The following GPC5 variants were observed in gnomAD, a reference collection of about 807,000 sequenced individuals.
GPC5 encodes the protein glypican 5.
GPC5 carries 47 observed loss-of-function variants against 53.9 expected under a neutral mutation model. The observed-to-expected ratio is 0.87, with a 90% confidence interval of 0.69 to 1.11. The LOEUF (loss-of-function observed/expected upper bound fraction) is 1.11, where lower values mean the gene tolerates loss of function less well. Among genes scored for constraint, GPC5 ranks in the 50% most tolerant of loss-of-function variants. GPC5 has a pLI of 0.00. For missense variants in GPC5, 748 were observed against 713.1 expected (o/e 1.05, Z -0.56); for synonymous variants, 286 against 263.3 (o/e 1.09, Z -0.84).
At chr13:91,504,120 A>G (rs1019612839) in intron 2 of GPC5, among the ~76,000 whole-genome samples, 2 of 152,064 alleles carry the variant, frequency 1.3e-5, no homozygotes, top group African/African-American at 4.8e-5. Context: ...AGTTAACTTC[A>G]ATTCCTGATA....
intron 1 of GPC5, among the ~76,000 whole-genome samples, chr13:91,431,427 AT>A (rs1879439383): frequency 6.6e-6 from 1 of 152,170 alleles, no homozygotes; most frequent in African/African-American, 2.4e-5. Context: ...TATATTAGCT[AT>A]TCATTGGGTC....
At chr13:92,594,793 T>C (rs1456676978) in intron 7 of GPC5, among the ~76,000 whole-genome samples, 2 of 152,220 alleles carry the variant, frequency 1.3e-5, no homozygotes, top group Admixed American at 6.5e-5. Flanking sequence ...CAACCTGAAA[T>C]TGAATATTAT....
rs566598157 is a variant in GPC5 at position 91,609,508 on chromosome 13, G to C, written c.326-83679G>C. 3.3e-5 allele frequency among the ~76,000 whole-genome samples: 5 copies of C among 152,242 alleles called. No homozygotes were observed. In the South Asian group the frequency reaches 1.0e-3, roughly 32 times the overall value. On this transcript the variant is annotated intron_variant, in intron 2 of 7. Coordinates refer to ENST00000377067, the MANE Select transcript of GPC5 (RefSeq NM_004466.6). Reference sequence around the variant, plus strand: ...AATTTCTGTTAAGGTTCCTTAATCTGCCAGGTTTTGCACAAACCCAGCTGC... The same window carrying C: ...AATTTCTGTTAAGGTTCCTTAATCTCCCAGGTTTTGCACAAACCCAGCTGC...
At chr13:92,864,872 T>C (rs2138858878) in intron 7 of GPC5, among the ~76,000 whole-genome samples, 1 of 152,282 alleles carries the variant, frequency 6.6e-6, no homozygotes, top group East Asian at 1.9e-4. Context: ...TATATATATA[T>C]ATTGGCCTAA....
chr13:91,981,669 C>T (rs2040360997), intron 6 of GPC5, among the ~76,000 whole-genome samples: 1 of 152,080 alleles, frequency 6.6e-6, no homozygotes, highest in South Asian at 2.1e-4. Flanking sequence ...TGACATTGTG[C>T]TAGATATAAT....
chr13:91,983,343 C>CTA (rs201726171), intron 6 of GPC5, among the ~76,000 whole-genome samples: 15 of 110,824 alleles, frequency 1.4e-4, no homozygotes, highest in South Asian at 4.6e-4. Flanking sequence ...CAGACCCTGT[C>CTA]TCAAAAAAAA....
At chr13:92,195,362 G>A (rs923763833) in intron 7 of GPC5, among the ~76,000 whole-genome samples, 9 of 152,142 alleles carry the variant, frequency 5.9e-5, no homozygotes, top group African/African-American at 2.2e-4. Context: ...CGTGCAAAGT[G>A]TGTCATCTTT....
chr13:92,617,577 T>A (rs1347881389), intron 7 of GPC5, among the ~76,000 whole-genome samples: 3 of 152,188 alleles, frequency 2.0e-5, no homozygotes, highest in Non-Finnish European at 4.4e-5. Flanking sequence ...CCCTACCTTG[T>A]GTAATTCTCA....
chr13:91,756,792 G>A (rs1448320977), intron 5 of GPC5, among the ~76,000 whole-genome samples: 3 of 147,784 alleles, frequency 2.0e-5, no homozygotes, highest in Non-Finnish European at 4.5e-5. Context: ...TCAGTGAAAT[G>A]TGAATACCTA....
chr13:92,167,207 G>GAGT (rs1384385912), intron 7 of GPC5, among the ~76,000 whole-genome samples: 7 of 152,124 alleles, frequency 4.6e-5, no homozygotes, highest in African/African-American at 1.7e-4. Context: ...CAGCACTGAG[G>GAGT]AGTGTTAACA....
intron 7 of GPC5, among the ~76,000 whole-genome samples, chr13:92,221,393 C>T (rs77071229): frequency 0.036 from 5,424 of 152,112 alleles, 341 homozygotes; most frequent in African/African-American, 0.12. Flanking sequence ...AAAATAAGCC[C>T]TCTCTCTTCT....
At chr13:91,710,152 ATTTG>A (rs2036195464) in intron 3 of GPC5, among the ~76,000 whole-genome samples, 1 of 152,192 alleles carries the variant, frequency 6.6e-6, no homozygotes. Context: ...AGACTTTGTC[ATTTG>A]TTTATCCCCA....
chr13:92,614,966 C>T (rs1884633403), intron 7 of GPC5, among the ~76,000 whole-genome samples: 1 of 152,094 alleles, frequency 6.6e-6, no homozygotes, highest in African/African-American at 2.4e-5. Context: ...TGTATAAGTT[C>T]CAAACATTTA....
At chr13:92,573,758 C>A (rs1883106842) in intron 7 of GPC5, among the ~76,000 whole-genome samples, 1 of 152,128 alleles carries the variant, frequency 6.6e-6, no homozygotes, top group South Asian at 2.1e-4. Flanking sequence ...ACCTTGCAAT[C>A]CCAGGCTAGC....
At chr13:91,861,065 T>C in intron 5 of GPC5, among the ~76,000 whole-genome samples, 1 of 152,242 alleles carries the variant, frequency 6.6e-6, no homozygotes. Flanking sequence ...TAAATTTTAT[T>C]GTGATCAGAG....
intron 7 of GPC5, among the ~76,000 whole-genome samples, chr13:92,709,771 G>T (rs1888073745): frequency 6.6e-6 from 1 of 152,200 alleles, no homozygotes; most frequent in African/African-American, 2.4e-5. Context: ...TATGGGCAGA[G>T]ATGTATACTT....
At chr13:92,785,701 C>T (rs1001872617) in intron 7 of GPC5, among the ~76,000 whole-genome samples, 3 of 152,148 alleles carry the variant, frequency 2.0e-5, no homozygotes, top group South Asian at 4.1e-4. Flanking sequence ...TCCAGGACAG[C>T]GTCTAGGATA....
intron 3 of GPC5, among the ~76,000 whole-genome samples, chr13:91,707,129 C>A (rs1247453926): frequency 1.3e-5 from 2 of 151,926 alleles, no homozygotes; most frequent in East Asian, 3.9e-4. Context: ...CTAATTAATA[C>A]AATTAGACAC....
At chr13:92,723,298 A>G (rs1261338503) in intron 7 of GPC5, among the ~76,000 whole-genome samples, 1 of 151,932 alleles carries the variant, frequency 6.6e-6, no homozygotes, top group African/African-American at 2.4e-5. Flanking sequence ...ACTGGACCAA[A>G]TAGAGATTTC....
Sources: gnomAD v4.1 joint callset for allele counts (sites outside exome capture counted in the v4.1 genomes callset) on GRCh38, gnomAD v4.1.1 for gene constraint, MANE v1.5 for transcripts, NCBI Gene and HGNC (gene_info 2026-07-23, HGNC 2026-07-21) for gene names.